Variants in LNP1 observed in about 807,000 individuals in gnomAD.
The protein encoded by LNP1 is leukemia NUP98 fusion partner 1.
Under a neutral mutation model 14.5 loss-of-function variants are expected in LNP1, and 12 were observed. The observed-to-expected ratio is 0.83, with a 90% CI of 0.53 to 1.34. The LOEUF is 1.34. LNP1 is among the 40% of genes most tolerant of loss of function. The pLI, the probability that LNP1 is intolerant of heterozygous loss-of-function variation, is 0.00. For synonymous variants in LNP1, 75 were observed against 71.4 expected, an observed-to-expected ratio of 1.05 and a Z score of -0.26; for missense variants, 198 against 210.9, an observed-to-expected ratio of 0.94 and a Z score of 0.38.
At chr3:100,416,248 A>G (rs1221451122) in intron 1 of LNP1, among the ~76,000 whole-genome samples, 1 of 152,154 alleles carries the variant, frequency 6.6e-6, no homozygotes, top group Non-Finnish European at 1.5e-5. Context: ...TTGAAATTCA[A>G]ACTGTTCCAT....
At chr3:100,444,809 A>G (rs956255439) in intron 2 of LNP1, among the ~76,000 whole-genome samples, 3 of 152,208 alleles carry the variant, frequency 2.0e-5, no homozygotes, top group African/African-American at 4.8e-5. Context: ...TTTATAAACA[A>G]TCTATAAAAT....
At chr3:100,429,969 A>G in intron 2 of LNP1, 84 bp downstream of exon 2, 2 of 1,426,410 alleles carry the variant, frequency 1.4e-6, no homozygotes, top group African/African-American at 2.9e-5. Flanking sequence ...GAATCTTTGG[A>G]TATAAAGTTT....
chr3:100,425,845 C>T (rs1230894836), intron 1 of LNP1, among the ~76,000 whole-genome samples: 2 of 152,162 alleles, frequency 1.3e-5, no homozygotes, highest in East Asian at 1.9e-4. Context: ...ATTATTTATT[C>T]AGGAAGCAGC....
At chr3:100,443,278 C>T (rs1052608053) in intron 2 of LNP1, among the ~76,000 whole-genome samples, 1 of 152,078 alleles carries the variant, frequency 6.6e-6, no homozygotes, top group Non-Finnish European at 1.5e-5. Context: ...AATTGAAAAA[C>T]ATTAGGCAAG....
intron 1 of LNP1, among the ~76,000 whole-genome samples, chr3:100,407,864 A>G (rs992637069): frequency 2.6e-5 from 4 of 151,958 alleles, no homozygotes; most frequent in African/African-American, 4.8e-5. Context: ...TGATTGATCA[A>G]TCCTGCTCTT....
intron 2 of LNP1, among the ~76,000 whole-genome samples, chr3:100,433,041 C>T (rs1159511650): frequency 2.0e-5 from 3 of 152,116 alleles, no homozygotes; most frequent in Non-Finnish European, 4.4e-5. Context: ...CCGATGTACA[C>T]CCAAGATTTT....
At chr3:100,416,454 T>TTGC (rs1024072196) in intron 1 of LNP1, among the ~76,000 whole-genome samples, 1 of 152,160 alleles carries the variant, frequency 6.6e-6, no homozygotes, top group African/African-American at 2.4e-5. Flanking sequence ...TAATCTTTTG[T>TTGC]TGCTGCTGCT....
chr3:100,441,751 C>T (rs999963759), intron 2 of LNP1, among the ~76,000 whole-genome samples: 44 of 152,208 alleles, frequency 2.9e-4, no homozygotes, highest in African/African-American at 1.0e-3. Context: ...CAACCTCCAC[C>T]TCGTGAGTTC....
chr3:100,445,085 C>T (rs900908307), intron 2 of LNP1, among the ~76,000 whole-genome samples: 117 of 151,986 alleles, frequency 7.7e-4, no homozygotes, highest in African/African-American at 2.7e-3. Flanking sequence ...CCAGTCTGAC[C>T]AACATGGTGA....
At chr3:100,443,207 G>A (rs889400428) in intron 2 of LNP1, among the ~76,000 whole-genome samples, 1 of 152,174 alleles carries the variant, frequency 6.6e-6, no homozygotes, top group African/African-American at 2.4e-5. Flanking sequence ...GGAAAACAAT[G>A]CTTTGAAGAC....
chr3:100,417,436 G>A (rs761009039), intron 1 of LNP1, among the ~76,000 whole-genome samples: 6 of 133,716 alleles, frequency 4.5e-5, no homozygotes, highest in Non-Finnish European at 9.1e-5. Flanking sequence ...TAGTGCACTG[G>A]TGCGATCTCA....
chr3:100,411,663 T>C (rs1385913217), intron 1 of LNP1, among the ~76,000 whole-genome samples: 1 of 152,212 alleles, frequency 6.6e-6, no homozygotes, highest in African/African-American at 2.4e-5. Flanking sequence ...CCTGGCTCAC[T>C]GTAGGCCACC....
Position 100,410,585 on chromosome 3 carries a change from T to C in LNP1, c.-34+8146T>C, listed in dbSNP as rs1053024391. On this transcript the variant is annotated intron_variant, in intron 1 of 3. Transcript: ENST00000383693. The stretch of plus-strand genomic sequence containing the variant: ...GGAGAGAGGTGAATTGAAGAAGGAA[T>C]GGTTAGGAAAAAGGAGCCAGAACAT... Among the ~76,000 whole-genome samples the C allele has an allele frequency of 2.8e-4, 42 of 151,826 alleles. 1 individual carries two copies. Among genetic ancestry groups the C allele is most frequent in the Non-Finnish European group, 1.5e-5 (1 of 67,944 alleles).
intron 2 of LNP1, among the ~76,000 whole-genome samples, chr3:100,447,370 G>T (rs1039035637): frequency 7.2e-5 from 11 of 152,086 alleles, no homozygotes; most frequent in Non-Finnish European, 1.6e-4. Flanking sequence ...AACACCGCAT[G>T]TTCTCACTCA....
At chr3:100,414,301 C>A (rs1378946655) in intron 1 of LNP1, among the ~76,000 whole-genome samples, 4 of 152,100 alleles carry the variant, frequency 2.6e-5, no homozygotes, top group Non-Finnish European at 4.4e-5. Flanking sequence ...GATCCCAGCA[C>A]TTTGGGAGGC....
rs1707440609 is a variant in LNP1 at position 100,451,755 on chromosome 3, C to T, written c.193C>T (p.His65Tyr). 6.2e-7 allele frequency: 1 copy of T among 1,612,188 alleles called. No individual in the cohort carries two copies. The highest frequency in any genetic ancestry group is 8.5e-7 in the Non-Finnish European group (1 of 1,178,302). The change falls in exon 3 of 4, where the codon CAT (histidine) becomes TAT (tyrosine). Residue 65 changes from histidine to tyrosine, a missense_variant. Coordinates refer to ENST00000383693, the MANE Select transcript of LNP1 (RefSeq NM_001085451.2). ...VLPRIPSSDC[H>Y]PRRHSHEDQE... ...TCCCAGAATTCCATCATCTGACTGC[C>T]ATCCTAGAAGGCATTCTCATGAGGA...
intron 1 of LNP1, among the ~76,000 whole-genome samples, chr3:100,428,717 A>T (rs1288546011): frequency 2.6e-5 from 4 of 152,192 alleles, no homozygotes; most frequent in Non-Finnish European, 5.9e-5. Flanking sequence ...CCTAAATGAC[A>T]GCCTAAAATG....
intron 1 of LNP1, among the ~76,000 whole-genome samples, 187 bp from the exon 2 acceptor site, chr3:100,429,510 A>G (rs1446091641): frequency 6.6e-6 from 1 of 152,212 alleles, no homozygotes; most frequent in Non-Finnish European, 1.5e-5. Context: ...TGTGGGCTGC[A>G]CAATTTATAA....
At chr3:100,417,364 C>CTTTTTTTT (rs1228887073) in intron 1 of LNP1, among the ~76,000 whole-genome samples, 1 of 83,174 alleles carries the variant, frequency 1.2e-5, no homozygotes, top group Non-Finnish European at 2.3e-5. Flanking sequence ...TTCTTTCTTT[C>CTTTTTTTT]TTTTTTCTTT....
Sources: allele counts gnomAD v4.1 joint callset (sites outside exome capture counted in the v4.1 genomes callset), GRCh38; gene constraint gnomAD v4.1.1; transcripts MANE v1.5; gene names NCBI Gene and HGNC (gene_info 2026-07-23, HGNC 2026-07-21).